Variants in C10orf143 observed in about 807,000 individuals in gnomAD.
The protein encoded by C10orf143 is uncharacterized protein C10orf143.
intron 3 of C10orf143, among the ~76,000 whole-genome samples, chr10:130,037,059 A>C (rs1388799231): frequency 1.3e-5 from 2 of 152,122 alleles, no homozygotes; most frequent in African/African-American, 4.8e-5. Context: ...CACCTGGTAC[A>C]AGCAGAATTG....
intron 1 of C10orf143, among the ~76,000 whole-genome samples, chr10:130,089,934 C>A (rs1321381400): frequency 2.6e-5 from 4 of 151,924 alleles, no homozygotes; most frequent in East Asian, 3.9e-4. Flanking sequence ...AATGTAAGAA[C>A]TAAAAGTGTA....
At chr10:130,088,244 C>T (rs751106862) in intron 1 of C10orf143, among the ~76,000 whole-genome samples, 18 of 151,932 alleles carry the variant, frequency 1.2e-4, no homozygotes, top group African/African-American at 3.4e-4. Flanking sequence ...ATTAGCCAGG[C>T]GTGGTGGCAC....
chr10:130,108,708 T>C (rs574608393), intron 1 of C10orf143, among the ~76,000 whole-genome samples: 46 of 152,374 alleles, frequency 3.0e-4, no homozygotes, highest in African/African-American at 1.1e-3. Context: ...GTTTTACGTA[T>C]GTAATCTTGC....
At chr10:130,094,840 C>T (rs1385307850) in intron 1 of C10orf143, among the ~76,000 whole-genome samples, 1 of 152,202 alleles carries the variant, frequency 6.6e-6, no homozygotes, top group Non-Finnish European at 1.5e-5. Context: ...CCTCCCTCAC[C>T]ACTCCTATTC....
At chr10:130,053,242 G>A (rs1564954162) in intron 3 of C10orf143, among the ~76,000 whole-genome samples, 1 of 152,082 alleles carries the variant, frequency 6.6e-6, no homozygotes, top group African/African-American at 2.4e-5. Flanking sequence ...TGTATTTTTA[G>A]TAGAAACGGG....
chr10:130,037,886 T>C (rs1860563304), intron 3 of C10orf143, among the ~76,000 whole-genome samples: 1 of 152,196 alleles, frequency 6.6e-6, no homozygotes, highest in African/African-American at 2.4e-5. Flanking sequence ...TTTCCCATAT[T>C]GCGGCAGGTT....
chr10:130,072,380 T>C (rs1861047263), intron 3 of C10orf143, among the ~76,000 whole-genome samples: 1 of 152,208 alleles, frequency 6.6e-6, no homozygotes, highest in Non-Finnish European at 1.5e-5. Context: ...TCCTTCTGGA[T>C]TTCCTAATGG....
chr10:130,104,911 G>C (rs977216339), intron 1 of C10orf143: 1 of 152,100 alleles, frequency 6.6e-6, no homozygotes, highest in Non-Finnish European at 1.5e-5. Context: ...TCATTGTGAA[G>C]CTTTGTGGGT....
At chr10:130,070,161 G>A (rs1347413373) in intron 3 of C10orf143, among the ~76,000 whole-genome samples, 1 of 152,142 alleles carries the variant, frequency 6.6e-6, no homozygotes. Context: ...CTTTCATACA[G>A]GGTTTTTAAA....
At chr10:130,045,937 C>T (rs909198431) in intron 3 of C10orf143, among the ~76,000 whole-genome samples, 10 of 152,040 alleles carry the variant, frequency 6.6e-5, no homozygotes, top group African/African-American at 2.4e-4. Context: ...TCCGAGTACG[C>T]GACCTCACCT....
intron 3 of C10orf143, among the ~76,000 whole-genome samples, chr10:130,049,737 C>T (rs1432132111): frequency 2.6e-5 from 4 of 152,140 alleles, no homozygotes; most frequent in African/African-American, 4.8e-5. Context: ...TAGAAAGAGG[C>T]GCTTTGAGTC....
At chr10:130,057,216 A>G (rs1003091239) in intron 3 of C10orf143, among the ~76,000 whole-genome samples, 1 of 152,166 alleles carries the variant, frequency 6.6e-6, no homozygotes, top group Non-Finnish European at 1.5e-5. Flanking sequence ...TCATGGTGGT[A>G]AGATATACAT....
At chr10:130,107,580 G>A (rs1861675305) in intron 1 of C10orf143, 3 of 1,348,182 alleles carry the variant, frequency 2.2e-6, no homozygotes, top group Non-Finnish European at 3.2e-6. Context: ...GCATTTGGCA[G>A]AGAGCATTCC....
At chr10:130,037,972 T>C (rs530647291) in intron 3 of C10orf143, among the ~76,000 whole-genome samples, 1 of 152,358 alleles carries the variant, frequency 6.6e-6, no homozygotes, top group African/African-American at 2.4e-5. Flanking sequence ...TCAAGCTTTG[T>C]CTGCGAATAC....
rs186150140 is a variant in C10orf143, at chr10:130,058,529, C to G, written c.297+21037G>C. Reference sequence around the variant, plus strand: ...TTGATGAAGCATGTAGAAATTTGATCAAAATTTCCCTTTGCATCTGGGAAA... The same window carrying G: ...TTGATGAAGCATGTAGAAATTTGATGAAAATTTCCCTTTGCATCTGGGAAA... On this transcript the variant is annotated intron_variant and NMD_transcript_variant, in intron 3 of 5. Transcript: ENST00000643056. Among the ~76,000 whole-genome samples the G allele has an allele frequency of 4.9e-4, 73 of 149,196 alleles. No individual in the cohort carries two copies. The Middle Eastern group carries it at 0.011, about 22-fold the overall frequency.
intron 3 of C10orf143, among the ~76,000 whole-genome samples, chr10:130,075,183 G>A (rs1313304704): frequency 6.6e-6 from 1 of 152,200 alleles, no homozygotes; most frequent in Non-Finnish European, 1.5e-5. Flanking sequence ...GAAACACCAT[G>A]TTTTGCATGC....
chr10:130,045,749 G>A (rs1255307487), intron 3 of C10orf143, among the ~76,000 whole-genome samples: 1 of 152,196 alleles, frequency 6.6e-6, no homozygotes, highest in East Asian at 1.9e-4. Context: ...CACGCGGGCG[G>A]GAAAACGTGG....
intron 1 of C10orf143, among the ~76,000 whole-genome samples, chr10:130,100,739 A>G (rs1014455217): frequency 2.0e-5 from 3 of 152,358 alleles, no homozygotes; most frequent in Admixed American, 1.3e-4. Context: ...ACATTGCAGA[A>G]AAAAAGATTC....
At chr10:130,063,266 A>C (rs1339968463), downstream of C10orf143, among the ~76,000 whole-genome samples, 3 of 152,220 alleles carry the variant, frequency 2.0e-5, no homozygotes, top group Admixed American at 6.5e-5. Flanking sequence ...ACACACAAAA[A>C]AGAACATGCT....
Sources: gnomAD v4.1 joint callset for allele counts (sites outside exome capture counted in the v4.1 genomes callset) on GRCh38, gnomAD v4.1.1 for gene constraint, MANE v1.5 for transcripts, NCBI Gene and HGNC (gene_info 2026-07-23, HGNC 2026-07-21) for gene names.